MARCHF10: variants seen among roughly 807,000 people sequenced by gnomAD.
MARCHF10 encodes the protein probable E3 ubiquitin-protein ligase MARCHF10.
In MARCHF10, 64 loss-of-function variants were observed where a neutral mutation model predicts 76.2. That is an observed-to-expected ratio of 0.84 (90% CI 0.69 to 1.03). The LOEUF is 1.03. MARCHF10 is among the 50% of genes least tolerant of loss of function. The probability of loss-of-function intolerance (pLI) is 0.00; values close to 1 mark genes in which losing one functional copy is unlikely to be tolerated. For synonymous variants in MARCHF10, 340 were observed against 357.5 expected (o/e 0.95, Z 0.55); for missense variants, 875 against 958.0 (o/e 0.91, Z 1.14).
At position 62,738,450 on chromosome 17, in the gene MARCHF10, C is replaced by T. The variant is rs1000971559; in HGVS notation, c.536-1118G>A. ...ACTTACCTTTATTCCCTCCTGACAT[C>T]GGCCTCCCCCCGCTTTGTTCTCCTC... is the stretch of plus-strand genomic sequence containing the variant. On this transcript the variant is annotated intron_variant, in intron 5 of 10. Coordinates refer to ENST00000311269, the MANE Select transcript of MARCHF10 (RefSeq NM_152598.4). The surrounding 1 kb of genome is among the most constrained non-coding windows in gnomAD (Gnocchi z 4.0). 2.0e-5 allele frequency among the ~76,000 whole-genome samples: 3 copies of T among 152,142 alleles called. No homozygotes were observed. The highest frequency in any genetic ancestry group is 1.9e-4 in the East Asian group (1 of 5,178).
intron 9 of MARCHF10, among the ~76,000 whole-genome samples, chr17:62,707,242 G>A (rs904420220): frequency 5.3e-5 from 8 of 152,216 alleles, no homozygotes; most frequent in African/African-American, 1.7e-4. Context: ...CTCCAGAGCC[G>A]CTCACAAACC....
At chr17:62,767,238 T>C (rs1361137725) in intron 3 of MARCHF10, among the ~76,000 whole-genome samples, 1 of 148,576 alleles carries the variant, frequency 6.7e-6, no homozygotes, top group Non-Finnish European at 1.5e-5. Context: ...ATGTTTCTTT[T>C]AGAGAGAGAA....
At chr17:62,786,610 C>A (rs187982549) in intron 3 of MARCHF10, among the ~76,000 whole-genome samples, 1 of 152,176 alleles carries the variant, frequency 6.6e-6, no homozygotes, top group East Asian at 1.9e-4. Context: ...ATTATAGAAG[C>A]TATTTCACAT....
At chr17:62,764,969 T>C (rs1026578568) in intron 3 of MARCHF10, among the ~76,000 whole-genome samples, 2 of 152,102 alleles carry the variant, frequency 1.3e-5, no homozygotes, top group Non-Finnish European at 2.9e-5. Flanking sequence ...CTCTCATCTG[T>C]CTCCCCTATC....
chr17:62,728,688 A>T (rs1428495692), intron 6 of MARCHF10, among the ~76,000 whole-genome samples: 1 of 152,230 alleles, frequency 6.6e-6, no homozygotes. Context: ...AAAAAATGTG[A>T]TTAACGAAAT....
intron 7 of MARCHF10, among the ~76,000 whole-genome samples, chr17:62,723,449 C>G (rs2090591086): frequency 6.6e-6 from 1 of 151,668 alleles, no homozygotes; most frequent in Non-Finnish European, 1.5e-5. Flanking sequence ...CAGTTTCATA[C>G]CTCCATTCTA....
chr17:62,756,125 G>A (rs1224300138), intron 4 of MARCHF10, among the ~76,000 whole-genome samples: 2 of 152,196 alleles, frequency 1.3e-5, no homozygotes, highest in Non-Finnish European at 2.9e-5. Context: ...GCGCATGTCT[G>A]TAATCCCAGC....
chr17:62,773,819 C>A (rs748515532), intron 3 of MARCHF10, among the ~76,000 whole-genome samples: 1 of 152,172 alleles, frequency 6.6e-6, no homozygotes, highest in Admixed American at 6.5e-5. Flanking sequence ...ACCAAAGAAG[C>A]GGGGCAGCAC....
At chr17:62,760,503 C>T (rs2092170528) in intron 3 of MARCHF10, among the ~76,000 whole-genome samples, 1 of 152,174 alleles carries the variant, frequency 6.6e-6, no homozygotes, top group African/African-American at 2.4e-5. Flanking sequence ...CAACACGAGA[C>T]AGACTAATCT....
chr17:62,790,784 G>C (rs1453011602), intron 2 of MARCHF10, among the ~76,000 whole-genome samples: 1 of 152,122 alleles, frequency 6.6e-6, no homozygotes, highest in African/African-American at 2.4e-5. Context: ...GAAATGACCC[G>C]ATACTAACAA....
chr17:62,720,656 T>C (rs2090435997), intron 8 of MARCHF10, among the ~76,000 whole-genome samples: 1 of 152,194 alleles, frequency 6.6e-6, no homozygotes, highest in Non-Finnish European at 1.5e-5. Flanking sequence ...TGCTATTCAC[T>C]GTAAGCACCT....
At chr17:62,807,899 C>G (rs900842523) in intron 1 of MARCHF10, among the ~76,000 whole-genome samples, 178 bp downstream of exon 1, 2 of 152,204 alleles carry the variant, frequency 1.3e-5, no homozygotes, top group Non-Finnish European at 2.9e-5. Flanking sequence ...CGGTCTCCCC[C>G]AAACCTGTCC....
At chr17:62,747,105 C>T (rs2091733358) in intron 4 of MARCHF10, 5 of 693,156 alleles carry the variant, frequency 7.2e-6, no homozygotes, top group Admixed American at 4.9e-5. Context: ...GAATGAGGAT[C>T]GTCTCTCAGC....
intron 1 of MARCHF10, chr17:62,806,567 AAGG>A (rs892501345): frequency 2.0e-5 from 3 of 152,240 alleles, no homozygotes; most frequent in South Asian, 2.1e-4. Flanking sequence ...GGGAGAGAGA[AAGG>A]AGGAGGGAGT....
intron 3 of MARCHF10, among the ~76,000 whole-genome samples, chr17:62,763,301 A>G (rs2092255863): frequency 6.6e-6 from 1 of 152,130 alleles, no homozygotes; most frequent in Non-Finnish European, 1.5e-5. Flanking sequence ...ACCTATTCCA[A>G]AAGGGTGGTA....
chr17:62,792,846 A>T (rs2092885824), intron 2 of MARCHF10, among the ~76,000 whole-genome samples: 1 of 112,968 alleles, frequency 8.9e-6, no homozygotes, highest in African/African-American at 3.7e-5. Context: ...CACCACCTCC[A>T]CCACCACCAC....
chr17:62,707,613 T>A (rs907630551), intron 9 of MARCHF10: 1 of 152,358 alleles, frequency 6.6e-6, no homozygotes, highest in Non-Finnish European at 1.5e-5. Context: ...TGGAGGTCTG[T>A]CCTAGAGGAG....
intron 2 of MARCHF10, among the ~76,000 whole-genome samples, chr17:62,798,536 T>C (rs560288456): frequency 4.0e-5 from 6 of 151,784 alleles, no homozygotes; most frequent in African/African-American, 9.7e-5. Context: ...AAATAAAGAC[T>C]GGGAAGGAGC....
chr17:62,759,523 G>C (rs2147946259), intron 4 of MARCHF10, among the ~76,000 whole-genome samples: 1 of 152,288 alleles, frequency 6.6e-6, no homozygotes. Context: ...CTGTTGCCCA[G>C]GCTGAAGTGC....
Sources: allele counts gnomAD v4.1 joint callset (sites outside exome capture counted in the v4.1 genomes callset), GRCh38; gene constraint gnomAD v4.1.1; non-coding constraint Gnocchi (gnomAD v3.1); transcripts MANE v1.5; gene names NCBI Gene and HGNC (gene_info 2026-07-23, HGNC 2026-07-21).